The following CACNA1A variants were observed in gnomAD, a reference collection of about 807,000 sequenced individuals.
The protein encoded by CACNA1A is voltage-dependent P/Q-type calcium channel subunit alpha-1A.
A neutral mutation model predicts 262.4 loss-of-function variants in CACNA1A; 57 were observed. The observed-to-expected ratio is 0.22, with a 90% CI of 0.18 to 0.27. CACNA1A has a LOEUF of 0.27. Ranked by LOEUF, CACNA1A falls within the 10% of genes least tolerant of loss-of-function variation. The probability of loss-of-function intolerance (pLI) is 1.00; values close to 1 mark genes in which losing one functional copy is unlikely to be tolerated. For missense variants in CACNA1A, 2,526 were observed against 3,562.8 expected (o/e 0.71, Z 7.41); for synonymous variants, 1,431 against 1,419.3 (o/e 1.01, Z -0.18).
chr19:13,402,873 C>CATATATATATATAT (rs71170507), intron 3 of CACNA1A, among the ~76,000 whole-genome samples: 2 of 72,812 alleles, frequency 2.7e-5, no homozygotes, highest in Middle Eastern at 8.3e-3. Context: ...CACACACACA[C>CATATATATATATAT]ATATATATAT....
At chr19:13,365,244 C>T in intron 5 of CACNA1A, 73 bp downstream of exon 5, 1 of 1,370,320 alleles carries the variant, frequency 7.3e-7, no homozygotes, top group Non-Finnish European at 1.0e-6. Context: ...GAAGCACACC[C>T]CTGCCTAATC....
intron 19 of CACNA1A, among the ~76,000 whole-genome samples, chr19:13,297,797 G>A (rs72995508): frequency 0.094 from 14,271 of 151,876 alleles, 777 homozygotes; most frequent in South Asian, 0.23. Flanking sequence ...GGCAACAGGC[G>A]AGACCCTGTG....
intron 17 of CACNA1A, 80 bp downstream of exon 17, chr19:13,303,448 GCCCCCACCCCCACCCCCA>G (rs899443049): frequency 9.7e-5 from 20 of 205,336 alleles, no homozygotes; most frequent in Non-Finnish European, 1.5e-4. Flanking sequence ...CTGTTCCCAT[GCCCCCACCCCCACCCCCA>G]CCCCCACCCC....
intron 1 of CACNA1A, among the ~76,000 whole-genome samples, chr19:13,481,569 C>T (rs562355260): frequency 6.0e-4 from 92 of 152,210 alleles, no homozygotes; most frequent in Admixed American, 1.1e-3. Context: ...TTGTTACAGC[C>T]GCTGGGCTGA....
chr19:13,335,079 C>T (rs1490073544), intron 7 of CACNA1A, among the ~76,000 whole-genome samples: 4 of 152,030 alleles, frequency 2.6e-5, no homozygotes, highest in Non-Finnish European at 5.9e-5. Context: ...TAAAACCATG[C>T]CATGCCAACC....
Position 13,236,322 on chromosome 19 carries a change from G to A in CACNA1A, c.4951-592C>T, listed in dbSNP as rs1014143036. 3.2e-5 allele frequency: 5 copies of A among 154,598 alleles called. No individual in the cohort carries two copies. The highest frequency in any genetic ancestry group is 1.9e-4 in the East Asian group (1 of 5,228). The allele number at this position is 154,598 out of a possible 1,614,324, so 9.6% of individuals were successfully genotyped here. A position where few individuals can be genotyped will look rare whatever the true frequency, so the allele number is the denominator to read the frequency against. On this transcript the variant is annotated intron_variant, in intron 31 of 46. Coordinates refer to ENST00000360228, the MANE Select transcript of CACNA1A (RefSeq NM_001127222.2). This position sits in a 1 kb window ranked among gnomAD's most constrained non-coding sequence, Gnocchi z 4.6. ...AAATGCATCTGTCACGGGACTCACC[G>A]GGCACCCTGCCCTGCCCTGCCCTGC... is the stretch of plus-strand genomic sequence containing the variant.
At chr19:13,232,012 G>C (rs916403626) in intron 34 of CACNA1A, among the ~76,000 whole-genome samples, 152 bp from the exon 35 acceptor site, 1 of 152,128 alleles carries the variant, frequency 6.6e-6, no homozygotes, top group Non-Finnish European at 1.5e-5. Context: ...TGGGAGCTGA[G>C]AGAAGGGAAT....
At chr19:13,261,229 G>T (rs1167872100) in intron 26 of CACNA1A, 1 of 482,928 alleles carries the variant, frequency 2.1e-6, no homozygotes, top group Non-Finnish European at 3.7e-6. Flanking sequence ...TGGCTGAAAG[G>T]TCAATCAATT....
At chr19:13,295,467 T>C (rs565071372) in intron 19 of CACNA1A, among the ~76,000 whole-genome samples, 1 of 152,004 alleles carries the variant, frequency 6.6e-6, no homozygotes, top group Admixed American at 6.6e-5. Context: ...AGTTTGCTTG[T>C]TTGTTTGGGT....
At chr19:13,463,778 T>G (rs1011050639) in intron 1 of CACNA1A, among the ~76,000 whole-genome samples, 1 of 152,176 alleles carries the variant, frequency 6.6e-6, no homozygotes, top group Non-Finnish European at 1.5e-5. Flanking sequence ...GGTTCTGAAA[T>G]GAGAAGTCTA....
chr19:13,234,740 GGAAGA>G, intron 34 of CACNA1A, 176 bp downstream of exon 34: 1 of 410,776 alleles, frequency 2.4e-6, no homozygotes, highest in Non-Finnish European at 4.0e-6. Flanking sequence ...GTCCCCTACC[GGAAGA>G]GAAGGGCACG....
At chr19:13,301,097 G>A (rs1347566333) in intron 17 of CACNA1A, among the ~76,000 whole-genome samples, 2 of 151,778 alleles carry the variant, frequency 1.3e-5, no homozygotes, top group East Asian at 3.9e-4. Context: ...ACAGGTGCAT[G>A]CCACTATGCC....
chr19:13,307,570 A>G (rs576779271), intron 15 of CACNA1A: 2 of 555,118 alleles, frequency 3.6e-6, no homozygotes, highest in Non-Finnish European at 6.4e-6. Flanking sequence ...CACCGTGCCC[A>G]GCCACAAACT....
intron 10 of CACNA1A, among the ~76,000 whole-genome samples, chr19:13,327,831 C>T (rs1323538546): frequency 6.6e-6 from 1 of 152,140 alleles, no homozygotes; most frequent in Non-Finnish European, 1.5e-5. Flanking sequence ...CCTCAGCCTC[C>T]CAAAGTGCTG....
chr19:13,362,825 C>G (rs563261087), intron 5 of CACNA1A: 1 of 152,266 alleles, frequency 6.6e-6, no homozygotes, highest in African/African-American at 2.4e-5. Context: ...AAGCGATTGG[C>G]ACGGTGCTGG....
intron 10 of CACNA1A, 64 bp from the exon 11 acceptor site, chr19:13,317,385 T>G (rs1034353950): frequency 6.6e-6 from 9 of 1,367,586 alleles, no homozygotes; most frequent in Non-Finnish European, 9.1e-6. Context: ...TTAACCAATG[T>G]GCAGCCCAAG....
chr19:13,337,920 T>C (rs1269184462), intron 6 of CACNA1A, among the ~76,000 whole-genome samples: 4 of 152,112 alleles, frequency 2.6e-5, no homozygotes, highest in Non-Finnish European at 4.4e-5. Flanking sequence ...ATAGTGTATC[T>C]AAAAATATCT....
chr19:13,476,898 T>C (rs1243341895), intron 1 of CACNA1A, among the ~76,000 whole-genome samples: 1 of 152,144 alleles, frequency 6.6e-6, no homozygotes, highest in African/African-American at 2.4e-5. Context: ...TCAAAGTCTG[T>C]TCTTTTCACA....
chr19:13,325,446 T>G lies in CACNA1A; in HGVS notation c.1345+4798A>C, dbSNP rs536021190. ...CATGAGCCACCGCACCAGGCCTGTA[T>G]TATTGCATTCTTTACAGAAATAAAT... On this transcript the variant is annotated intron_variant, in intron 10 of 46. Transcript: ENST00000360228. Among the ~76,000 whole-genome samples the G allele has an allele frequency of 2.0e-5, 3 of 152,340 alleles. No individual in the cohort carries two copies. The East Asian group carries it at 5.8e-4, about 29-fold the overall frequency.
Sources: gnomAD v4.1 joint callset for allele counts (sites outside exome capture counted in the v4.1 genomes callset) on GRCh38, gnomAD v4.1.1 for gene constraint, Gnocchi (gnomAD v3.1) non-coding constraint, MANE v1.5 for transcripts, NCBI Gene and HGNC (gene_info 2026-07-23, HGNC 2026-07-21) for gene names.